DNTT: variants seen among roughly 807,000 people sequenced by gnomAD.
DNTT encodes the protein DNA nucleotidylexotransferase.
Under a neutral mutation model 60.9 loss-of-function variants are expected in DNTT, and 47 were observed. The ratio of observed to expected loss-of-function variants is 0.77; its 90% CI spans 0.61 to 0.98. DNTT has a LOEUF of 0.98. Among genes scored for constraint, DNTT ranks in the 50% least tolerant of loss-of-function variants. The pLI is 0.00. For missense variants in DNTT, 665 were observed against 627.5 expected (o/e 1.06, Z -0.64); for synonymous variants, 224 against 221.2 (o/e 1.01, Z -0.11).
intron 1 of DNTT, among the ~76,000 whole-genome samples, chr10:96,312,422 G>T (rs576290787): frequency 1.1e-4 from 16 of 152,268 alleles, no homozygotes; most frequent in African/African-American, 3.6e-4. Flanking sequence ...GGACCCCAGA[G>T]CCTCATGTAA....
rs184134965 is a variant in DNTT at position 96,323,301 on chromosome 10, A to G, written c.750+573A>G. On this transcript the variant is annotated intron_variant, in intron 5 of 10. Coordinates refer to ENST00000371174, the MANE Select transcript of DNTT (RefSeq NM_004088.4). ...GTGATAGAGTGAGACTGTCTCAAAA[A>G]CAAGACAAACAAAAAGACACTAATC... Among the ~76,000 whole-genome samples the G allele has an allele frequency of 1.4e-3, 208 of 152,216 alleles. 1 individual carries two copies. Among genetic ancestry groups the G allele is most frequent in the Non-Finnish European group, 2.3e-3 (158 of 68,008 alleles).
At chr10:96,334,997 G>C (rs1845049997) in intron 9 of DNTT, among the ~76,000 whole-genome samples, 1 of 152,212 alleles carries the variant, frequency 6.6e-6, no homozygotes, top group Non-Finnish European at 1.5e-5. Context: ...TTAGCTGGGT[G>C]ACTTTAAACA....
chr10:96,338,032 T>C (rs1056162485), intron 10 of DNTT, 106 bp from the exon 11 acceptor site: 7 of 874,510 alleles, frequency 8.0e-6, no homozygotes, highest in Non-Finnish European at 1.0e-5. Flanking sequence ...GTTTGGGCTG[T>C]AATTCATTCT....
At position 96,319,911 on chromosome 10, in the gene DNTT, C is replaced by A. The variant is rs565289908; in HGVS notation, c.507+521C>A. Among the ~76,000 whole-genome samples the A allele has an allele frequency of 3.3e-5, 5 of 152,322 alleles. No homozygotes were observed. The East Asian group carries it at 9.6e-4, about 29-fold the overall frequency. ...GGATCATATCTAAAGCTCCACTCAG[C>A]CCTCAGATTGGTAATTGTGTTTTGA... On this transcript the variant is annotated intron_variant, in intron 3 of 10. Transcript: ENST00000371174.
At chr10:96,335,997 G>T (rs931066675) in intron 10 of DNTT, 23 bp downstream of exon 10, 1 of 1,612,686 alleles carries the variant, frequency 6.2e-7, no homozygotes. Context: ...TCCTAAAAGG[G>T]GCTACTTTGA....
chr10:96,320,933 C>CCTCT, intron 4 of DNTT, 145 bp downstream of exon 4: 1 of 689,948 alleles, frequency 1.4e-6, no homozygotes, highest in Non-Finnish European at 2.1e-6. Flanking sequence ...CTCTCTCTCT[C>CCTCT]CTCTGTCTCT....
intron 1 of DNTT, among the ~76,000 whole-genome samples, chr10:96,315,041 G>A (rs954112278): frequency 6.6e-6 from 1 of 152,132 alleles, no homozygotes; most frequent in Admixed American, 6.5e-5. Flanking sequence ...AGGGGCTGAT[G>A]GCAACCCCGA....
intron 9 of DNTT, 64 bp from the exon 10 acceptor site, chr10:96,335,827 A>G: frequency 6.5e-7 from 1 of 1,550,094 alleles, no homozygotes; most frequent in Non-Finnish European, 8.9e-7. Flanking sequence ...AGAGGGATGT[A>G]GCCACCTAAT....
chr10:96,307,343 G>GTTTT lies in DNTT; in HGVS notation c.203+2671_203+2674dup, dbSNP rs533516556. ...CTGTTTTTATTTTCTGGGTTTTCCA[G>GTTTT]TTTTTTTTTTTTTTTTTTTTTTTTT... On this transcript the variant is annotated intron_variant, in intron 1 of 10. Coordinates refer to ENST00000371174, the MANE Select transcript of DNTT (RefSeq NM_004088.4). Among the ~76,000 whole-genome samples, 267 of 67,584 alleles carry GTTTT rather than the reference G, an allele frequency of 4.0e-3. 17 individuals carry two copies. Among genetic ancestry groups the GTTTT allele is most frequent in the African/African-American group, 0.014 (218 of 15,542 alleles). 44.3% of individuals were successfully genotyped at this position (67,584 alleles called of 152,430 possible).
chr10:96,324,312 G>T lies in DNTT; in HGVS notation c.797G>T (p.Trp266Leu), dbSNP rs768991399. ...FGVGLKTSEKWFRMGFRTLSK... is the reference protein window; with the variant it reads ...FGVGLKTSEKLFRMGFRTLSK... ...GTGGGGCTGAAGACTTCTGAGAAGT[G>T]GTTCAGGATGGGTTTCAGAACTCTG... is the stretch of plus-strand genomic sequence containing the variant. Residue 266 changes from tryptophan to leucine, a missense_variant, in exon 6 of 11, where the codon TGG becomes TTG. Physicochemically the swap from Trp to Leu is moderately conservative, Grantham distance 61 (BLOSUM62 -2). Transcript: ENST00000371174. The T allele has an allele frequency of 2.5e-6, 4 of 1,613,568 alleles. No homozygotes were observed. The highest frequency in any genetic ancestry group is 3.4e-6 in the Non-Finnish European group (4 of 1,179,676).
chr10:96,323,142 A>G (rs1343258564), intron 5 of DNTT, among the ~76,000 whole-genome samples: 2 of 152,168 alleles, frequency 1.3e-5, no homozygotes, highest in Admixed American at 6.5e-5. Context: ...TCATTTTACA[A>G]AAATACAAAA....
chr10:96,304,731 A>C (rs1425586609), intron 1 of DNTT, 31 bp downstream of exon 1: 1 of 1,602,298 alleles, frequency 6.2e-7, no homozygotes. Flanking sequence ...CTTTGTAAAT[A>C]AGCAGAGGCT....
rs146546032 is a variant in DNTT, at chr10:96,310,259, C to T, written c.203+5559C>T. ...CATCATTATGACTGAATATAACCAT[C>T]CTTCCCACTTTAACTAGTGTCCAGC... On this transcript the variant is annotated intron_variant, in intron 1 of 10. Coordinates refer to ENST00000371174, the MANE Select transcript of DNTT (RefSeq NM_004088.4). Among the ~76,000 whole-genome samples the T allele has an allele frequency of 3.6e-3, 554 of 152,342 alleles. 2 individuals are homozygous for T. Among genetic ancestry groups the T allele is most frequent in the Middle Eastern group, 6.8e-3 (2 of 294 alleles).
chr10:96,331,627 T>A (rs1285267113), intron 8 of DNTT, among the ~76,000 whole-genome samples: 7 of 152,094 alleles, frequency 4.6e-5, no homozygotes, highest in African/African-American at 2.4e-5. Context: ...TCATGAGAGA[T>A]CTTCCCCTAT....
At chr10:96,321,339 G>A (rs1479109410) in intron 4 of DNTT, among the ~76,000 whole-genome samples, 10 of 152,066 alleles carry the variant, frequency 6.6e-5, no homozygotes, top group Non-Finnish European at 8.8e-5. Context: ...GGGGTCCTGC[G>A]TCACTTTTCC....
intron 1 of DNTT, among the ~76,000 whole-genome samples, chr10:96,314,354 A>T (rs1190673307): frequency 7.0e-6 from 1 of 142,740 alleles, no homozygotes; most frequent in Non-Finnish European, 1.5e-5. Context: ...TCCACCTACT[A>T]ATTATTCGCT....
In DNTT at chr10:96,332,334, A is replaced by T; in HGVS notation, c.1114-17A>T. 6.2e-7 allele frequency: 1 copy of T among 1,610,096 alleles called. No homozygotes were observed. Among genetic ancestry groups the T allele is most frequent in the Non-Finnish European group, 8.5e-7 (1 of 1,177,226 alleles). On this transcript the variant is annotated splice_polypyrimidine_tract_variant and intron_variant, in intron 8 of 10. Coordinates refer to ENST00000371174, the MANE Select transcript of DNTT (RefSeq NM_004088.4). ...TTCATCAGGGCCTTTTCCTGATGCC[A>T]TTCTGTTTCTTTTCAGGGATTACTT...
intron 4 of DNTT, among the ~76,000 whole-genome samples, chr10:96,322,281 T>A (rs962457643): frequency 2.6e-5 from 4 of 152,186 alleles, no homozygotes; most frequent in African/African-American, 9.7e-5. Context: ...TTTTGGTGGG[T>A]CCAAAATTAA....
At chr10:96,328,878 C>A in intron 8 of DNTT, 48 bp downstream of exon 8, 1 of 1,565,694 alleles carries the variant, frequency 6.4e-7, no homozygotes, top group Non-Finnish European at 8.7e-7. Flanking sequence ...ATTATGTTAA[C>A]ACTTGAATTT....
Sources: gnomAD v4.1 joint callset for allele counts (sites outside exome capture counted in the v4.1 genomes callset) on GRCh38, gnomAD v4.1.1 for gene constraint, MANE v1.5 for transcripts, NCBI Gene and HGNC (gene_info 2026-07-23, HGNC 2026-07-21) for gene names.